Variants in MASP1 observed in about 807,000 individuals in gnomAD.
MASP1 encodes mannan-binding lectin serine protease 1.
A neutral mutation model predicts 77.1 loss-of-function variants in MASP1; 59 were observed. The observed-to-expected ratio is 0.77, with a 90% CI of 0.62 to 0.95. The LOEUF (loss-of-function observed/expected upper bound fraction) is 0.95, where lower values mean the gene tolerates loss of function less well. Among genes scored for constraint, MASP1 ranks in the 40% least tolerant of loss-of-function variants. The probability of loss-of-function intolerance (pLI) is 0.00; values close to 1 mark genes in which losing one functional copy is unlikely to be tolerated. For missense variants in MASP1, 885 were observed against 912.9 expected, an observed-to-expected ratio of 0.97 and a Z score of 0.39; for synonymous variants, 362 against 354.5, an observed-to-expected ratio of 1.02 and a Z score of -0.24.
intron 1 of MASP1, among the ~76,000 whole-genome samples, chr3:187,287,053 C>G (rs764676651): frequency 6.6e-6 from 1 of 152,212 alleles, no homozygotes; most frequent in Non-Finnish European, 1.5e-5. Context: ...TTTACATTCT[C>G]CTATATGGCT....
At chr3:187,259,505 G>A (rs1297737218) in intron 4 of MASP1, among the ~76,000 whole-genome samples, 4 of 151,970 alleles carry the variant, frequency 2.6e-5, no homozygotes, top group Admixed American at 2.6e-4. Flanking sequence ...TCATGGTGGG[G>A]GCCTTAGGAA....
At position 187,236,141 on chromosome 3, in the gene MASP1, A is replaced by G. The variant is rs773815638; in HGVS notation, c.1730T>C (p.Leu577Pro). Residue 577 changes from leucine to proline, a missense_variant, in exon 11 of 11, where the codon CTT becomes CCT. Transcript: ENST00000296280. ...PHVMPVCLPR[L>P]EPEGPAPHML... Reference sequence around the variant, plus strand: ...GTGGGGGGCCGGGCCTTCAGGCTCAAGCCTTGGCAGGCAGACAGGCATAAC... The same window carrying G: ...GTGGGGGGCCGGGCCTTCAGGCTCAGGCCTTGGCAGGCAGACAGGCATAAC... The G allele has an allele frequency of 1.9e-6, 3 of 1,613,878 alleles. No individual in the cohort carries two copies. The African/African-American group carries it at 4.0e-5, about 22-fold the overall frequency.
downstream of MASP1, among the ~76,000 whole-genome samples, chr3:187,229,253 T>C (rs1712622879): frequency 6.6e-6 from 1 of 152,110 alleles, no homozygotes; most frequent in African/African-American, 2.4e-5. Flanking sequence ...CTTATTTCCA[T>C]CCATCATACC....
At chr3:187,243,800 C>T (rs1436895429) in intron 8 of MASP1, 179 bp from the exon 9 acceptor site, 2 of 721,574 alleles carry the variant, frequency 2.8e-6, no homozygotes, top group Non-Finnish European at 4.9e-6. Context: ...TGAAGCTACC[C>T]ATGGTCCTGC....
intron 11 of MASP1, among the ~76,000 whole-genome samples, chr3:187,227,083 G>GA (rs1198511145): frequency 3.9e-5 from 6 of 152,172 alleles, no homozygotes; most frequent in African/African-American, 1.4e-4. Flanking sequence ...CCTGGTGAAT[G>GA]AAAAAAGAGT....
At chr3:187,232,058 C>A (rs1712797398), downstream of MASP1, among the ~76,000 whole-genome samples, 2 of 152,130 alleles carry the variant, frequency 1.3e-5, no homozygotes, top group African/African-American at 2.4e-5. Flanking sequence ...TGCCTGCATA[C>A]CCCTCAGGGA....
At chr3:187,250,116 T>A in intron 8 of MASP1, 135 bp downstream of exon 8, 1 of 785,778 alleles carries the variant, frequency 1.3e-6, no homozygotes, top group African/African-American at 1.7e-5. Flanking sequence ...TCCCAACCCT[T>A]GTGTGTCTGT....
At chr3:187,288,979 G>A (rs1718079869) in intron 1 of MASP1, among the ~76,000 whole-genome samples, 2 of 152,116 alleles carry the variant, frequency 1.3e-5, no homozygotes, top group Non-Finnish European at 2.9e-5. Context: ...GCCTGCTTGC[G>A]TTAGGGGCTG....
chr3:187,228,617 C>T (rs1712579034), intron 11 of MASP1, among the ~76,000 whole-genome samples: 1 of 152,092 alleles, frequency 6.6e-6, no homozygotes, highest in Non-Finnish European at 1.5e-5. Flanking sequence ...TCAGTGTTCT[C>T]TGTCTCTCTC....
intron 12 of MASP1, among the ~76,000 whole-genome samples, chr3:187,225,755 G>A (rs113688305): frequency 3.3e-5 from 5 of 152,304 alleles, no homozygotes; most frequent in South Asian, 2.1e-4. Context: ...TCTGATGCCT[G>A]CTGCCACATG....
intron 2 of MASP1, among the ~76,000 whole-genome samples, chr3:187,267,723 C>T (rs966000374): frequency 1.3e-5 from 2 of 152,226 alleles, no homozygotes; most frequent in Non-Finnish European, 2.9e-5. Flanking sequence ...CTCAGAGACC[C>T]TTTTCCATGA....
chr3:187,229,667 G>C, downstream of MASP1: 7 of 1,491,484 alleles, frequency 4.7e-6, no homozygotes, highest in Admixed American at 1.9e-5. Context: ...CCTGATGCTA[G>C]TGTGCACAAT....
intron 5 of MASP1, among the ~76,000 whole-genome samples, chr3:187,254,663 C>T (rs72549270): frequency 0.016 from 2,493 of 151,414 alleles, 70 homozygotes; most frequent in African/African-American, 0.057. Flanking sequence ...AGCAAAAAAA[C>T]AAAACAAAAC....
At chr3:187,239,275 C>T (rs530921537) in intron 10 of MASP1, among the ~76,000 whole-genome samples, 2 of 151,920 alleles carry the variant, frequency 1.3e-5, no homozygotes, top group Non-Finnish European at 2.9e-5. Context: ...ATTGCTTGAA[C>T]CCAGGAGGCA....
chr3:187,220,110 G>A, exon 16 of MASP1: 1 of 1,614,058 alleles, frequency 6.2e-7, no homozygotes, highest in Non-Finnish European at 8.5e-7. Context: ...TCCAGTCCTT[G>A]TTGTGGTGGA....
At chr3:187,287,521 A>T (rs1717961951) in intron 1 of MASP1, among the ~76,000 whole-genome samples, 1 of 152,180 alleles carries the variant, frequency 6.6e-6, no homozygotes, top group East Asian at 1.9e-4. Flanking sequence ...TTTAAGTCCC[A>T]ATTCTTTCAC....
At chr3:187,259,808 G>T (rs899739162) in intron 4 of MASP1, among the ~76,000 whole-genome samples, 12 of 152,100 alleles carry the variant, frequency 7.9e-5, no homozygotes, top group Non-Finnish European at 1.5e-4. Context: ...CCAGACTTGT[G>T]CTCCCCCAGT....
chr3:187,223,108 G>A (rs777730617), intron 14 of MASP1: 1 of 1,607,446 alleles, frequency 6.2e-7, no homozygotes, highest in South Asian at 1.1e-5. Context: ...CTGTCTGTAG[G>A]TTATAAAGTG....
At chr3:187,221,413 T>C (rs948172566) in intron 14 of MASP1, among the ~76,000 whole-genome samples, 3 of 152,172 alleles carry the variant, frequency 2.0e-5, no homozygotes, top group Admixed American at 6.5e-5. Flanking sequence ...TTCAGTAAGA[T>C]AGAGGTAATA....
Sources: allele counts gnomAD v4.1 joint callset (sites outside exome capture counted in the v4.1 genomes callset), GRCh38; gene constraint gnomAD v4.1.1; transcripts MANE v1.5; gene names NCBI Gene and HGNC (gene_info 2026-07-23, HGNC 2026-07-21).